The following TMCC2 variants were observed in gnomAD, a reference collection of about 807,000 sequenced individuals.
TMCC2 encodes the protein transmembrane and coiled-coil domain family 2, also known as transmembrane and coiled-coil domains protein 2.
Under a neutral mutation model 49.4 loss-of-function variants are expected in TMCC2, and 16 were observed. The observed-to-expected ratio is 0.32, with a 90% CI of 0.22 to 0.49. TMCC2 has a LOEUF of 0.49. Among genes scored for constraint, TMCC2 ranks in the 20% least tolerant of loss-of-function variants. The pLI is 0.99. For missense variants in TMCC2, 762 were observed against 989.8 expected (o/e 0.77, Z 3.09); for synonymous variants, 397 against 434.1 (o/e 0.91, Z 1.06).
At position 205,228,387 on chromosome 1, in the gene TMCC2, G is replaced by T. The variant is rs916110767; in HGVS notation, c.-178G>T. 1.5e-5 allele frequency: 8 copies of T among 549,694 alleles called. No individual in the cohort carries two copies. Among genetic ancestry groups the T allele is most frequent in the Non-Finnish European group, 2.6e-5 (8 of 311,472 alleles). 34.1% of individuals were successfully genotyped at this position (549,694 alleles called of 1,614,324 possible). A position where few individuals can be genotyped will look rare whatever the true frequency, so the allele number is the denominator to read the frequency against. ...GCTATAACCAAGGCTCCCCCTTCTCGCCCCTCCCTCACCCGCCTTTAAGAA... is the reference window on the plus strand; with the variant it reads ...GCTATAACCAAGGCTCCCCCTTCTCTCCCCTCCCTCACCCGCCTTTAAGAA... On this transcript the variant is annotated 5_prime_UTR_variant, in exon 1 of 5. Transcript: ENST00000358024.
In TMCC2 at chr1:205,241,427, C is replaced by G. The variant is rs1337919867; in HGVS notation, c.208-78C>G. On this transcript the variant is annotated intron_variant, in intron 1 of 4. Coordinates refer to ENST00000358024, the MANE Select transcript of TMCC2 (RefSeq NM_014858.4). This position sits in a 1 kb window ranked among gnomAD's most constrained non-coding sequence, Gnocchi z 7.3. Reference sequence around the variant, plus strand: ...CTATGCCAGTCTACCAAGGACAGACCCTTCACCTTCACCCTCCTACTGACT... The same window carrying G: ...CTATGCCAGTCTACCAAGGACAGACGCTTCACCTTCACCCTCCTACTGACT... The G allele has an allele frequency of 6.8e-7, 1 of 1,462,130 alleles. No individual in the cohort carries two copies. The highest frequency in any genetic ancestry group is 9.4e-7 in the Non-Finnish European group (1 of 1,067,322). The allele number at this position is 1,462,130 out of a possible 1,614,324, so 90.6% of individuals were successfully genotyped here.
At chr1:205,240,105 C>T (rs967601623) in intron 1 of TMCC2, among the ~76,000 whole-genome samples, 9 of 152,200 alleles carry the variant, frequency 5.9e-5, no homozygotes, top group African/African-American at 2.2e-4. Context: ...AATGGCTGGG[C>T]CCTGAGTTTT....
intron 2 of TMCC2, among the ~76,000 whole-genome samples, chr1:205,262,166 C>G (rs566819178): frequency 1.6e-3 from 239 of 152,284 alleles, no homozygotes; most frequent in Non-Finnish European, 1.6e-3. Flanking sequence ...GAGAGCTCCC[C>G]ACCTTCTTCA....
At chr1:205,229,624 T>C in intron 1 of TMCC2, 24 of 978,456 alleles carry the variant, frequency 2.5e-5, no homozygotes, top group Non-Finnish European at 2.9e-5. Context: ...GTTAAGATAG[T>C]GCTTGGAGAT....
chr1:205,271,833 G>C lies in TMCC2; in HGVS notation c.1839G>C (p.Leu613=), dbSNP rs941882743. ...TGCAGGAGGCCGTGGAGTCCTGCCT[G>C]ACCCGGGTCACCAAGCTGGAGCTGC... ...RDIQEAVESC[L]TRVTKLELQQ... is the part of the protein sequence containing the mutation. Residue 613 remains leucine, a synonymous_variant, in exon 5 of 5, where the codon CTG becomes CTC. Transcript: ENST00000358024. 1 of 1,612,194 alleles carries C rather than the reference G, an allele frequency of 6.2e-7. No homozygotes were observed. The highest frequency in any genetic ancestry group is 8.5e-7 in the Non-Finnish European group (1 of 1,179,988).
intron 2 of TMCC2, among the ~76,000 whole-genome samples, chr1:205,244,954 G>C (rs944337880): frequency 7.9e-5 from 12 of 152,194 alleles, no homozygotes; most frequent in Non-Finnish European, 1.6e-4. Context: ...ACAAAGGTCA[G>C]AGTATACTCA....
Position 205,234,846 on chromosome 1 carries a change from A to G in TMCC2, c.207+6075A>G, listed in dbSNP as rs1574828895. Among the ~76,000 whole-genome samples, 11 of 152,104 alleles carry G rather than the reference A, an allele frequency of 7.2e-5. No individual in the cohort carries two copies. In the South Asian group the frequency reaches 2.3e-3, roughly 32 times the overall value. ...GGCTAATTTTCTATTTTGAGTAGAG[A>G]TGGGGTTTCATCATGTTTGCCAGGC... is the stretch of plus-strand genomic sequence containing the variant. On this transcript the variant is annotated intron_variant, in intron 1 of 4. Transcript: ENST00000358024.
chr1:205,254,947 C>T (rs1660804876), intron 2 of TMCC2, among the ~76,000 whole-genome samples: 1 of 152,206 alleles, frequency 6.6e-6, no homozygotes, highest in Non-Finnish European at 1.5e-5. Flanking sequence ...CATGGTGGCT[C>T]ACACCTGTAA....
intron 2 of TMCC2, among the ~76,000 whole-genome samples, chr1:205,255,509 C>A (rs1185799265): frequency 6.6e-6 from 1 of 152,054 alleles, no homozygotes; most frequent in Non-Finnish European, 1.5e-5. Flanking sequence ...GAGCCAAGAT[C>A]GCGTCAATGC....
intron 2 of TMCC2, among the ~76,000 whole-genome samples, chr1:205,260,506 G>C (rs1021132887): frequency 2.0e-5 from 3 of 152,244 alleles, no homozygotes; most frequent in African/African-American, 7.2e-5. Flanking sequence ...AGGACCCAGA[G>C]ACCCTCCTGC....
At chr1:205,233,540 C>T (rs1034198573) in intron 1 of TMCC2, among the ~76,000 whole-genome samples, 1 of 152,190 alleles carries the variant, frequency 6.6e-6, no homozygotes, top group Admixed American at 6.5e-5. Context: ...GCAGCTTCCT[C>T]CCACTGTGAG....
chr1:205,265,486 T>C (rs148813902), intron 2 of TMCC2, among the ~76,000 whole-genome samples: 1 of 152,204 alleles, frequency 6.6e-6, no homozygotes, highest in Non-Finnish European at 1.5e-5. Context: ...CCCTAAGTAG[T>C]TGGGACAGAC....
chr1:205,232,701 G>A (rs974470968), intron 1 of TMCC2, among the ~76,000 whole-genome samples: 1 of 152,070 alleles, frequency 6.6e-6, no homozygotes, highest in African/African-American at 2.4e-5. Flanking sequence ...TTGGTAGGCC[G>A]AGGTTGGTGG....
At chr1:205,251,981 C>T (rs1027606627) in intron 2 of TMCC2, among the ~76,000 whole-genome samples, 2 of 152,210 alleles carry the variant, frequency 1.3e-5, no homozygotes, top group African/African-American at 4.8e-5. Context: ...GTAGAGGGTG[C>T]TCTGCTTCCT....
At chr1:205,231,276 A>G (rs1659788316) in intron 1 of TMCC2, among the ~76,000 whole-genome samples, 2 of 152,032 alleles carry the variant, frequency 1.3e-5, no homozygotes, top group East Asian at 3.9e-4. Context: ...GGGACTAGGA[A>G]TATCGGAGTG....
rs78553484 is a variant in TMCC2, at chr1:205,254,004, A to T, written c.747+11960A>T. ...GCACAGAGTCTCCAAGGCTTGGCTCATTCACCCTCTCCTCCATCTCCTGAT... is the reference window on the plus strand; with the variant it reads ...GCACAGAGTCTCCAAGGCTTGGCTCTTTCACCCTCTCCTCCATCTCCTGAT... On this transcript the variant is annotated intron_variant, in intron 2 of 4. Coordinates refer to ENST00000358024, the MANE Select transcript of TMCC2 (RefSeq NM_014858.4). Among the ~76,000 whole-genome samples, 62 of 152,256 alleles carry T rather than the reference A, an allele frequency of 4.1e-4. 1 individual carries two copies. The East Asian group carries it at 9.1e-3, about 22-fold the overall frequency.
chr1:205,238,241 T>C (rs551308872), intron 1 of TMCC2, among the ~76,000 whole-genome samples: 2 of 152,206 alleles, frequency 1.3e-5, no homozygotes, highest in Admixed American at 1.3e-4. Context: ...GTGCTGAGTT[T>C]TTTTTTTTTA....
chr1:205,261,370 G>GT (rs113306045), intron 2 of TMCC2, among the ~76,000 whole-genome samples: 37,526 of 151,264 alleles, frequency 0.25, 6,160 homozygotes, highest in Non-Finnish European at 0.36. Flanking sequence ...ACACCTGGCT[G>GT]TTTTTTTATT....
chr1:205,246,493 G>C, intron 2 of TMCC2: 1 of 1,470,868 alleles, frequency 6.8e-7, no homozygotes, highest in Non-Finnish European at 9.0e-7. Flanking sequence ...AAAATGATGG[G>C]ACTGAACCAT....
Sources: allele counts gnomAD v4.1 joint callset (sites outside exome capture counted in the v4.1 genomes callset), GRCh38; gene constraint gnomAD v4.1.1; non-coding constraint Gnocchi (gnomAD v3.1); transcripts MANE v1.5; gene names NCBI Gene and HGNC (gene_info 2026-07-23, HGNC 2026-07-21).